Variants in CELSR1 observed in about 807,000 individuals in gnomAD.
CELSR1 encodes the protein cadherin EGF LAG seven-pass G-type receptor 1.
Under a neutral mutation model 249.1 loss-of-function variants are expected in CELSR1, and 110 were observed. The observed-to-expected ratio is 0.44, with a 90% CI of 0.38 to 0.52. The LOEUF (loss-of-function observed/expected upper bound fraction) is 0.52. CELSR1 is among the 20% of genes least tolerant of loss of function. CELSR1 has a pLI of 0.00. For missense variants in CELSR1, 4,109 were observed against 4,296.4 expected (o/e 0.96, Z 1.22); for synonymous variants, 2,113 against 1,900.0 (o/e 1.11, Z -2.92).
rs9615990 is a variant in CELSR1 at position 46,408,257 on chromosome 22, G to A, written c.5226+739C>T. On this transcript the variant is annotated intron_variant, in intron 9 of 34. Transcript: ENST00000674500. This position sits in a 1 kb window ranked among gnomAD's most constrained non-coding sequence, Gnocchi z 4.6. The stretch of plus-strand genomic sequence containing the variant: ...GAAAACAGGCAGACAGCGACAGAGC[G>A]GGGCTTTAGGCATTTCTGGGCTGAG... Among the ~76,000 whole-genome samples the A allele has an allele frequency of 0.12, 18,992 of 152,290 alleles. 1,632 individuals are homozygous for A. Among genetic ancestry groups the A allele is most frequent in the African/African-American group, 0.24 (9,905 of 41,546 alleles).
chr22:46,377,558 G>A, intron 23 of CELSR1: 1 of 437,542 alleles, frequency 2.3e-6, no homozygotes, highest in East Asian at 4.2e-5. Flanking sequence ...GGCCATGGGA[G>A]CCTCGGACTC....
intron 28 of CELSR1, 44 bp from the exon 29 acceptor site, chr22:46,367,162 A>T (rs918792626): frequency 1.9e-6 from 3 of 1,596,044 alleles, no homozygotes; most frequent in Non-Finnish European, 2.6e-6. Flanking sequence ...CTGCCTCCCT[A>T]GGCACCTGCC....
intron 2 of CELSR1, among the ~76,000 whole-genome samples, chr22:46,462,121 C>G (rs534435404): frequency 1.2e-3 from 189 of 152,364 alleles, no homozygotes; most frequent in African/African-American, 4.2e-3. Flanking sequence ...TGCCTGCCTG[C>G]CTTGCCCACA....
At chr22:46,476,780 G>C (rs2147645370) in intron 1 of CELSR1, among the ~76,000 whole-genome samples, 2 of 152,136 alleles carry the variant, frequency 1.3e-5, no homozygotes, top group South Asian at 4.2e-4. Context: ...GGGCAAGAGG[G>C]ACCAGAAGTG....
At position 46,412,228 on chromosome 22, in the gene CELSR1, C is replaced by T. The variant is rs1205107994; in HGVS notation, c.4612-469G>A. ...TCCCCTTCAGCCTTCGGAGGAGGCA[C>T]GGCCCTACCCGCGCCTTGACTTCTA... On this transcript the variant is annotated intron_variant, in intron 5 of 34. Coordinates refer to ENST00000674500, the MANE Select transcript of CELSR1 (RefSeq NM_001378328.1). This position sits in a 1 kb window ranked among gnomAD's most constrained non-coding sequence, Gnocchi z 4.5. 2.0e-5 allele frequency among the ~76,000 whole-genome samples: 3 copies of T among 152,170 alleles called. No homozygotes were observed. Among genetic ancestry groups the T allele is most frequent in the Admixed American group, 1.3e-4 (2 of 15,286 alleles).
chr22:46,536,875 G>A lies in CELSR1; in HGVS notation c.296C>T (p.Thr99Met). 4.1e-6 allele frequency: 5 copies of A among 1,231,788 alleles called. No individual in the cohort carries two copies. Among genetic ancestry groups the A allele is most frequent in the Non-Finnish European group, 4.1e-6 (4 of 981,934 alleles). The allele number at this position is 1,231,788 out of a possible 1,614,324, so 76.3% of individuals were successfully genotyped here. Reference protein sequence around the residue: ...QVRLVARSAPTALSRRLRART... With the variant: ...QVRLVARSAPMALSRRLRART... ...CGCCCGCAGGCGGCGGCTCAGCGCC[G>A]TCGGGGCACTGCGGGCCACCAAGCG... The change falls in exon 1 of 35, where the codon ACG becomes ATG. Residue 99 changes from threonine (T) to methionine (M), a missense_variant. Physicochemically the swap from Thr to Met is moderately conservative, Grantham distance 81 (BLOSUM62 -1). Around this residue, in one of 7 missense-constraint regions of CELSR1, gnomAD observed 673 missense variants for 636.8 expected, o/e 1.06. Coordinates refer to ENST00000674500, the MANE Select transcript of CELSR1 (RefSeq NM_001378328.1).
At chr22:46,414,853 C>G (rs1439563813) in intron 5 of CELSR1, among the ~76,000 whole-genome samples, 1 of 152,222 alleles carries the variant, frequency 6.6e-6, no homozygotes, top group Non-Finnish European at 1.5e-5. Context: ...TTGCTATTTA[C>G]AACTCACAAG....
intron 1 of CELSR1, among the ~76,000 whole-genome samples, chr22:46,531,281 C>T (rs2080789607): frequency 1.3e-5 from 2 of 151,924 alleles, no homozygotes; most frequent in Admixed American, 1.3e-4. Flanking sequence ...TCTCGGCTCA[C>T]TGCAACCTCC....
intron 1 of CELSR1, among the ~76,000 whole-genome samples, chr22:46,513,888 G>A (rs1028854737): frequency 6.6e-6 from 1 of 151,552 alleles, no homozygotes; most frequent in African/African-American, 2.4e-5. Flanking sequence ...GCCTCCCGGG[G>A]TTCACGCCAT....
At position 46,381,262 on chromosome 22, in the gene CELSR1, A is replaced by G. The variant is rs2078974963; in HGVS notation, c.7089-307T>C. ...ATAGCTAATGGCAGAATCACAGGGG[A>G]TGGTTTCAGTGTCCAGCAAAAGACA... is the stretch of plus-strand genomic sequence containing the variant. On this transcript the variant is annotated intron_variant, in intron 21 of 34. Transcript: ENST00000674500. This position sits in a 1 kb window ranked among gnomAD's most constrained non-coding sequence, Gnocchi z 6.0. Among the ~76,000 whole-genome samples the G allele has an allele frequency of 6.6e-6, 1 of 152,188 alleles. No individual in the cohort carries two copies. The highest frequency in any genetic ancestry group is 2.4e-5 in the African/African-American group (1 of 41,442).
chr22:46,399,224 T>C lies in CELSR1; in HGVS notation c.5412+493A>G, dbSNP rs2079184536. Among the ~76,000 whole-genome samples the C allele has an allele frequency of 6.6e-6, 1 of 152,138 alleles. No homozygotes were observed. Among genetic ancestry groups the C allele is most frequent in the South Asian group, 2.1e-4 (1 of 4,830 alleles). On this transcript the variant is annotated intron_variant, in intron 10 of 34. Transcript: ENST00000674500. This position sits in a 1 kb window ranked among gnomAD's most constrained non-coding sequence, Gnocchi z 5.0. ...GTGGAAACCTAGTTTGGTTAAGTGT[T>C]CCGAACATTGTCTGGGATACCACCA...
rs751985470 is a variant in CELSR1, at chr22:46,365,432, C to T, written c.8405-52G>A. 5.6e-6 allele frequency: 9 copies of T among 1,599,952 alleles called. No homozygotes were observed. In the Admixed American group the frequency reaches 1.0e-4, roughly 18 times the overall value. ...CTCAGGCCCTGGGAGGTGAGGGAGT[C>T]CCACCGAGGGCCAAGCAGAGCCACT... is the stretch of plus-strand genomic sequence containing the variant. On this transcript the variant is annotated intron_variant, in intron 31 of 34. Transcript: ENST00000674500.
In CELSR1 at chr22:46,363,864, G is replaced by T; in HGVS notation, c.9035+132C>A. 1 of 1,240,468 alleles carries T rather than the reference G, an allele frequency of 8.1e-7. No homozygotes were observed. The highest frequency in any genetic ancestry group is 1.1e-6 in the Non-Finnish European group (1 of 928,544). The allele number at this position is 1,240,468 out of a possible 1,614,324, so 76.8% of individuals were successfully genotyped here. On this transcript the variant is annotated intron_variant, in intron 34 of 34. Coordinates refer to ENST00000674500, the MANE Select transcript of CELSR1 (RefSeq NM_001378328.1). This position sits in a 1 kb window ranked among gnomAD's most constrained non-coding sequence, Gnocchi z 4.3. Reference sequence around the variant, plus strand: ...AGCGCCTCCCCCCTCCCCCATCCCCGCCTGGGCTTCCTCTGCACTCAGGGC... The same window carrying T: ...AGCGCCTCCCCCCTCCCCCATCCCCTCCTGGGCTTCCTCTGCACTCAGGGC...
At chr22:46,397,324 G>A (rs1210203055) in intron 12 of CELSR1, among the ~76,000 whole-genome samples, 3 of 115,922 alleles carry the variant, frequency 2.6e-5, no homozygotes, top group African/African-American at 9.9e-5. Flanking sequence ...GTTTCACCAT[G>A]TTGCCTGGCT....
chr22:46,497,939 T>C (rs758733105), intron 1 of CELSR1, among the ~76,000 whole-genome samples: 2 of 149,190 alleles, frequency 1.3e-5, no homozygotes, highest in Non-Finnish European at 3.0e-5. Flanking sequence ...TATGCTAGAA[T>C]GTAACTGTGA....
rs1431208127 is a variant in CELSR1 at position 46,427,563 on chromosome 22, C to T, written c.4611+5830G>A. Among the ~76,000 whole-genome samples the T allele has an allele frequency of 6.6e-6, 1 of 152,134 alleles. No homozygotes were observed. The highest frequency in any genetic ancestry group is 1.5e-5 in the Non-Finnish European group (1 of 68,032). ...AAAATAAATAAAATACACCCTACAA[C>T]TATGGCTTTTAAAATCTAGTAACAA... On this transcript the variant is annotated intron_variant, in intron 5 of 34. Coordinates refer to ENST00000674500, the MANE Select transcript of CELSR1 (RefSeq NM_001378328.1). This position sits in a 1 kb window ranked among gnomAD's most constrained non-coding sequence, Gnocchi z 4.2.
Position 46,472,319 on chromosome 22 carries a change from G to A in CELSR1, c.3545-7974C>T, listed in dbSNP as rs941781630. The stretch of plus-strand genomic sequence containing the variant: ...CTCTGCAGTAAGATAAAGGTTATCT[G>A]CAATTGTGTTCCCCATGGTGGGCTC... On this transcript the variant is annotated intron_variant, in intron 1 of 34. Transcript: ENST00000674500. This position sits in a 1 kb window ranked among gnomAD's most constrained non-coding sequence, Gnocchi z 7.0. 2.0e-5 allele frequency among the ~76,000 whole-genome samples: 3 copies of A among 152,216 alleles called. No homozygotes were observed. The highest frequency in any genetic ancestry group is 4.4e-5 in the Non-Finnish European group (3 of 68,046).
chr22:46,393,686 C>A lies in CELSR1; in HGVS notation c.5964+456G>T, dbSNP rs560183826. ...CCGGGAGGCGGAGGCTGCAGTGAGC[C>A]GAGATCGCACCACTGCACTCCAGCC... On this transcript the variant is annotated intron_variant, in intron 14 of 34. Coordinates refer to ENST00000674500, the MANE Select transcript of CELSR1 (RefSeq NM_001378328.1). The surrounding 1 kb of genome is among the most constrained non-coding windows in gnomAD (Gnocchi z 4.1). Among the ~76,000 whole-genome samples, 1 of 150,424 alleles carries A rather than the reference C, an allele frequency of 6.6e-6. No homozygotes were observed. The highest frequency in any genetic ancestry group is 2.0e-4 in the East Asian group (1 of 5,102).
chr22:46,396,524 A>C lies in CELSR1; in HGVS notation c.5843+81T>G. Reference sequence around the variant, plus strand: ...ATCACACATATCTTTGGGTCAAAATAAGAAAGAGAAGACACTGAGTCGAGG... The same window carrying C: ...ATCACACATATCTTTGGGTCAAAATCAGAAAGAGAAGACACTGAGTCGAGG... On this transcript the variant is annotated intron_variant, in intron 13 of 34. Coordinates refer to ENST00000674500, the MANE Select transcript of CELSR1 (RefSeq NM_001378328.1). This position sits in a 1 kb window ranked among gnomAD's most constrained non-coding sequence, Gnocchi z 6.4. 7.4e-7 allele frequency: 1 copy of C among 1,358,834 alleles called. No homozygotes were observed. Among genetic ancestry groups the C allele is most frequent in the Non-Finnish European group, 9.6e-7 (1 of 1,045,186 alleles). The allele number at this position is 1,358,834 out of a possible 1,614,324, so 84.2% of individuals were successfully genotyped here. A position where few individuals can be genotyped will look rare whatever the true frequency, so the allele number is the denominator to read the frequency against.
Sources: gnomAD v4.1 joint callset for allele counts (sites outside exome capture counted in the v4.1 genomes callset) on GRCh38, gnomAD v4.1.1 for gene constraint, gnomAD v4.1.1 regional missense constraint, Gnocchi (gnomAD v3.1) non-coding constraint, MANE v1.5 for transcripts, NCBI Gene and HGNC (gene_info 2026-07-23, HGNC 2026-07-21) for gene names.